The following SLIT2 variants were observed in gnomAD, a reference collection of about 807,000 sequenced individuals.
The protein encoded by SLIT2 is slit homolog 2 protein.
SLIT2 carries 41 observed loss-of-function variants against 185.7 expected under a neutral mutation model. The ratio of observed to expected loss-of-function variants is 0.22; its 90% CI spans 0.17 to 0.29. The LOEUF (loss-of-function observed/expected upper bound fraction) is 0.29. SLIT2 is among the 10% of genes least tolerant of loss of function. The pLI is 1.00. For synonymous variants in SLIT2, 693 were observed against 680.2 expected, an observed-to-expected ratio of 1.02 and a Z score of -0.29; for missense variants, 1,571 against 1,909.0, an observed-to-expected ratio of 0.82 and a Z score of 3.30.
intron 4 of SLIT2, among the ~76,000 whole-genome samples, chr4:20,428,456 G>A (rs1296154631): frequency 6.6e-6 from 1 of 152,176 alleles, no homozygotes; most frequent in East Asian, 1.9e-4. Flanking sequence ...GAGGTTTTTT[G>A]TTATTGTGAA....
intron 4 of SLIT2, among the ~76,000 whole-genome samples, chr4:20,272,227 T>C (rs981724679): frequency 2.0e-5 from 3 of 150,154 alleles, no homozygotes; most frequent in African/African-American, 7.4e-5. Context: ...AGATGGAAAG[T>C]GCAAGTCCAG....
At chr4:20,420,147 A>T (rs1384229807) in intron 4 of SLIT2, among the ~76,000 whole-genome samples, 1 of 152,106 alleles carries the variant, frequency 6.6e-6, no homozygotes, top group Non-Finnish European at 1.5e-5. Context: ...TTAAATAACT[A>T]CCCGAACACA....
intron 4 of SLIT2, 115 bp from the exon 5 acceptor site, chr4:20,467,637 C>T: frequency 1.8e-6 from 1 of 556,334 alleles, no homozygotes; most frequent in Non-Finnish European, 3.1e-6. Context: ...AATTATGATC[C>T]TTTTAGGGTT....
At chr4:20,355,497 T>G (rs4697164) in intron 4 of SLIT2, among the ~76,000 whole-genome samples, 151,484 of 152,256 alleles carry the variant, frequency 0.99, 75,357 homozygotes, top group Middle Eastern at 1. Flanking sequence ...GTTTTCCATT[T>G]CAAGGTGTGT....
At chr4:20,535,940 A>T (rs903422701) in intron 18 of SLIT2, among the ~76,000 whole-genome samples, 4 of 152,110 alleles carry the variant, frequency 2.6e-5, no homozygotes, top group African/African-American at 9.7e-5. Flanking sequence ...ACACAAACCT[A>T]GATGATATGG....
chr4:20,486,401 G>A (rs531266615), intron 7 of SLIT2, 130 bp downstream of exon 7: 16 of 593,308 alleles, frequency 2.7e-5, no homozygotes, highest in African/African-American at 2.6e-4. Context: ...CTTTGGAAAA[G>A]ACTAGATATG....
In SLIT2 at chr4:20,360,287, G is replaced by A. The variant is rs562632210; in HGVS notation, c.395+91406G>A. 7.2e-5 allele frequency among the ~76,000 whole-genome samples: 11 copies of A among 152,122 alleles called. 1 individual carries two copies. The South Asian group carries it at 2.3e-3, about 32-fold the overall frequency. On this transcript the variant is annotated intron_variant, in intron 4 of 36. Coordinates refer to ENST00000504154, the MANE Select transcript of SLIT2 (RefSeq NM_004787.4). ...AAGCTGAATAGAGGAATGCTTATAC[G>A]TTAGTGGGAGTTTTAGAAGTCTCTG...
Position 20,349,176 on chromosome 4 carries a change from A to G in SLIT2, c.395+80295A>G, listed in dbSNP as rs373912043. ...CTTGGTTTCTTAGGAAATGTTCATG[A>G]TACCCTCAAGTCCAAAAGAAATGCC... is the stretch of plus-strand genomic sequence containing the variant. On this transcript the variant is annotated intron_variant, in intron 4 of 36. Transcript: ENST00000504154. Among the ~76,000 whole-genome samples, 13 of 152,196 alleles carry G rather than the reference A, an allele frequency of 8.5e-5. No homozygotes were observed. In the East Asian group the frequency reaches 2.1e-3, roughly 25 times the overall value.
intron 4 of SLIT2, among the ~76,000 whole-genome samples, chr4:20,331,768 G>C (rs1263877192): frequency 6.6e-6 from 1 of 151,974 alleles, no homozygotes; most frequent in East Asian, 1.9e-4. Context: ...AAGAATCCCA[G>C]TACCCATTGC....
At chr4:20,525,371 T>C (rs1317558966) in intron 15 of SLIT2, among the ~76,000 whole-genome samples, 199 bp downstream of exon 15, 1 of 152,138 alleles carries the variant, frequency 6.6e-6, no homozygotes, top group Non-Finnish European at 1.5e-5. Context: ...ACATATATTA[T>C]TAAACTCCAC....
intron 29 of SLIT2, among the ~76,000 whole-genome samples, chr4:20,580,543 A>T (rs1424428406): frequency 6.6e-6 from 1 of 152,100 alleles, no homozygotes; most frequent in East Asian, 1.9e-4. Flanking sequence ...CTTCTTCAAG[A>T]CACAGTAGTC....
In SLIT2 at chr4:20,485,983, T is replaced by C. The variant is rs529029862; in HGVS notation, c.540-217T>C. 2.3e-4 allele frequency among the ~76,000 whole-genome samples: 35 copies of C among 152,268 alleles called. No homozygotes were observed. In the East Asian group the frequency reaches 5.6e-3, roughly 24 times the overall value. On this transcript the variant is annotated intron_variant, in intron 6 of 36. Transcript: ENST00000504154. ...AACATGCTATGAATGAAGCCATAAA[T>C]TTGTAGTAAATGTTGAATAAAACAA... is the stretch of plus-strand genomic sequence containing the variant.
At chr4:20,462,619 T>C (rs1286104569) in intron 4 of SLIT2, among the ~76,000 whole-genome samples, 1 of 152,216 alleles carries the variant, frequency 6.6e-6, no homozygotes, top group Non-Finnish European at 1.5e-5. Flanking sequence ...ACTGACTCTC[T>C]GACACACTGA....
At chr4:20,434,293 G>A (rs1186263486) in intron 4 of SLIT2, among the ~76,000 whole-genome samples, 1 of 135,556 alleles carries the variant, frequency 7.4e-6, no homozygotes, top group Non-Finnish European at 1.6e-5. Flanking sequence ...TTTGAGACCA[G>A]CCTGACCAAC....
chr4:20,400,682 A>C (rs60910258), intron 4 of SLIT2, among the ~76,000 whole-genome samples: 7,836 of 151,806 alleles, frequency 0.052, 603 homozygotes, highest in African/African-American at 0.16. Context: ...ATATGGAATA[A>C]CAAAGAAAAG....
intron 3 of SLIT2, among the ~76,000 whole-genome samples, chr4:20,260,103 T>A (rs1224259471): frequency 6.6e-6 from 1 of 151,872 alleles, no homozygotes; most frequent in African/African-American, 2.4e-5. Context: ...TATTTTAAAT[T>A]TTGTTCATTG....
chr4:20,359,028 G>C (rs1722545310), intron 4 of SLIT2, among the ~76,000 whole-genome samples: 2 of 152,056 alleles, frequency 1.3e-5, no homozygotes, highest in African/African-American at 4.8e-5. Flanking sequence ...CCAACTTCGA[G>C]AATCGTTTCT....
chr4:20,388,961 AAAATAT>A (rs1173927762), intron 4 of SLIT2, among the ~76,000 whole-genome samples: 23 of 123,500 alleles, frequency 1.9e-4, no homozygotes, highest in Non-Finnish European at 3.7e-4. Flanking sequence ...TATATGTCAA[AAAATAT>A]ATGTCAAAAT....
intron 29 of SLIT2, among the ~76,000 whole-genome samples, chr4:20,581,994 G>T (rs554981923): frequency 3.3e-5 from 5 of 152,146 alleles, no homozygotes; most frequent in Non-Finnish European, 7.4e-5. Flanking sequence ...TGATCTGCTC[G>T]CCTTGGCCTC....
Sources: allele counts gnomAD v4.1 joint callset (sites outside exome capture counted in the v4.1 genomes callset), GRCh38; gene constraint gnomAD v4.1.1; transcripts MANE v1.5; gene names NCBI Gene and HGNC (gene_info 2026-07-23, HGNC 2026-07-21).